The following STK33 variants were observed in gnomAD, a reference collection of about 807,000 sequenced individuals.
STK33 encodes serine/threonine kinase 33.
In STK33, 52 loss-of-function variants were observed where a neutral mutation model predicts 58.0. The ratio of observed to expected loss-of-function variants is 0.90; its 90% CI spans 0.72 to 1.13. The LOEUF (loss-of-function observed/expected upper bound fraction) is 1.13. STK33 is among the 50% of genes most tolerant of loss of function. The pLI, the probability that STK33 is intolerant of heterozygous loss-of-function variation, is 0.00. For synonymous variants in STK33, 215 were observed against 200.1 expected, an observed-to-expected ratio of 1.07 and a Z score of -0.63; for missense variants, 630 against 604.2, an observed-to-expected ratio of 1.04 and a Z score of -0.45.
intron 1 of STK33, among the ~76,000 whole-genome samples, chr11:8,511,918 T>G (rs749024025): frequency 2.0e-5 from 3 of 152,112 alleles, no homozygotes; most frequent in Non-Finnish European, 4.4e-5. Context: ...AACAGTAATA[T>G]TTTAAAGTAT....
intron 1 of STK33, among the ~76,000 whole-genome samples, chr11:8,515,819 C>T (rs1469036976): frequency 1.3e-5 from 2 of 152,060 alleles, no homozygotes; most frequent in African/African-American, 4.8e-5. Flanking sequence ...TCTCAACAAA[C>T]CAGGAATAGA....
At chr11:8,384,494 C>A in the STK33 span, among the ~76,000 whole-genome samples, 1 of 152,240 alleles carries the variant, frequency 6.6e-6, no homozygotes, top group African/African-American at 2.4e-5. Context: ...CATCCGGAGG[C>A]TTAAACGTCT....
At chr11:8,429,370 A>G (rs1943143496) in intron 14 of STK33, among the ~76,000 whole-genome samples, 1 of 152,206 alleles carries the variant, frequency 6.6e-6, no homozygotes, top group Admixed American at 6.5e-5. Context: ...TTGTTCCAAA[A>G]ACACTTCATT....
chr11:8,452,983 T>C (rs1021074780), intron 10 of STK33, 77 bp from the exon 11 acceptor site: 7 of 1,270,676 alleles, frequency 5.5e-6, no homozygotes, highest in Non-Finnish European at 8.0e-6. Flanking sequence ...AGACTTCACA[T>C]TGAATTTGCA....
chr11:8,440,186 A>G (rs1944563990), intron 12 of STK33, among the ~76,000 whole-genome samples: 2 of 152,126 alleles, frequency 1.3e-5, no homozygotes, highest in African/African-American at 4.8e-5. Flanking sequence ...AATGACTGAA[A>G]GCTCCAGCAG....
At chr11:8,466,338 C>G (rs944513434) in intron 6 of STK33, 11 of 152,174 alleles carry the variant, frequency 7.2e-5, no homozygotes, top group African/African-American at 2.7e-4. Context: ...TTCCTAGATA[C>G]AATGGGGGTA....
Position 8,461,788 on chromosome 11 carries a change from G to A in STK33, c.558+17C>T, listed in dbSNP as rs1900273. On this transcript the variant is annotated intron_variant, in intron 8 of 15. Transcript: ENST00000687296. ...ATAATAACAACTTTCAAAATGCAGC[G>A]CCTAATAGAGGTTTACCTTTGGCGT... The A allele has an allele frequency of 0.51, 777,150 of 1,532,270 alleles. 200,277 individuals are homozygous for A. Among genetic ancestry groups the A allele is most frequent in the Middle Eastern group, 0.67 (3,906 of 5,814 alleles). 94.9% of individuals were successfully genotyped at this position (1,532,270 alleles called of 1,614,324 possible).
chr11:8,473,064 C>A (rs1948930709), intron 6 of STK33, 99 bp downstream of exon 6: 1 of 709,478 alleles, frequency 1.4e-6, no homozygotes, highest in African/African-American at 1.8e-5. Flanking sequence ...TTCTTTACTT[C>A]CTTTCCTTAG....
At chr11:8,386,927 G>A (rs933538704), downstream of STK33, among the ~76,000 whole-genome samples, 2 of 152,124 alleles carry the variant, frequency 1.3e-5, no homozygotes, top group Non-Finnish European at 2.9e-5. Context: ...GGTAAGCATC[G>A]ATCTGTCATG....
At chr11:8,422,094 T>C (rs1293889190) in intron 14 of STK33, among the ~76,000 whole-genome samples, 1 of 152,160 alleles carries the variant, frequency 6.6e-6, no homozygotes, top group Non-Finnish European at 1.5e-5. Context: ...TTAAAGGAAA[T>C]CCTTCTCGCA....
the STK33 span, among the ~76,000 whole-genome samples, chr11:8,382,045 C>G: frequency 6.6e-5 from 10 of 152,116 alleles, no homozygotes; most frequent in African/African-American, 2.4e-4. Context: ...ACACCTCTTC[C>G]CAACTCCTGC....
chr11:8,531,415 G>T (rs1171255746), intron 1 of STK33, among the ~76,000 whole-genome samples: 1 of 152,212 alleles, frequency 6.6e-6, no homozygotes, highest in African/African-American at 2.4e-5. Flanking sequence ...TTTAGGTCAA[G>T]AATTCAGACA....
chr11:8,548,112 G>A (rs561062544), intron 1 of STK33, among the ~76,000 whole-genome samples: 4 of 150,862 alleles, frequency 2.7e-5, no homozygotes, highest in Non-Finnish European at 5.9e-5. Context: ...GTATACATAT[G>A]TAACAAACCT....
At chr11:8,496,341 T>C (rs533716183) in intron 1 of STK33, among the ~76,000 whole-genome samples, 3 of 152,314 alleles carry the variant, frequency 2.0e-5, no homozygotes, top group Non-Finnish European at 2.9e-5. Flanking sequence ...ATGCAGTACA[T>C]GTATTTGTAA....
At chr11:8,398,023 T>A (rs1038276267) in intron 15 of STK33, among the ~76,000 whole-genome samples, 1 of 152,184 alleles carries the variant, frequency 6.6e-6, no homozygotes, top group Non-Finnish European at 1.5e-5. Flanking sequence ...TGGAACCAAG[T>A]TGGAAAACAC....
the STK33 span, among the ~76,000 whole-genome samples, chr11:8,343,037 C>T: frequency 2.6e-5 from 4 of 152,244 alleles, no homozygotes; most frequent in Non-Finnish European, 5.9e-5. Context: ...AAGAAGTCCG[C>T]TGGGAGAAGG....
At chr11:8,568,017 C>A (rs866112492) in intron 1 of STK33, among the ~76,000 whole-genome samples, 15 of 152,094 alleles carry the variant, frequency 9.9e-5, no homozygotes, top group African/African-American at 3.6e-4. Flanking sequence ...CAAGGAAAAT[C>A]CAAATCAGCA....
At chr11:8,449,346 C>A (rs193210244) in intron 11 of STK33, among the ~76,000 whole-genome samples, 3 of 151,632 alleles carry the variant, frequency 2.0e-5, no homozygotes, top group Admixed American at 6.6e-5. Context: ...ATGTTTACTG[C>A]GGCACTATTC....
intron 1 of STK33, among the ~76,000 whole-genome samples, chr11:8,582,374 C>G (rs1386813781): frequency 6.6e-6 from 1 of 152,166 alleles, no homozygotes; most frequent in Non-Finnish European, 1.5e-5. Context: ...CTGCCCAAGA[C>G]TGGGTAATTT....
Sources: gnomAD v4.1 joint callset for allele counts (sites outside exome capture counted in the v4.1 genomes callset) on GRCh38, gnomAD v4.1.1 for gene constraint, MANE v1.5 for transcripts, NCBI Gene and HGNC (gene_info 2026-07-23, HGNC 2026-07-21) for gene names.